GIGYF2: variants seen among roughly 807,000 people sequenced by gnomAD.
GIGYF2 encodes GRB10 interacting GYF protein 2.
Under a neutral mutation model 208.1 loss-of-function variants are expected in GIGYF2, and 25 were observed. That is an observed-to-expected ratio of 0.12 (90% confidence interval 0.09 to 0.17). GIGYF2 has a LOEUF of 0.17. Among genes scored for constraint, GIGYF2 ranks in the 10% least tolerant of loss-of-function variants. The probability of loss-of-function intolerance (pLI) is 1.00; values close to 1 mark genes in which losing one functional copy is unlikely to be tolerated. For synonymous variants in GIGYF2, 534 were observed against 543.8 expected (o/e 0.98, Z 0.25); for missense variants, 1,302 against 1,579.4 (o/e 0.82, Z 2.98).
chr2:232,771,234 A>G, intron 8 of GIGYF2: 2 of 1,610,662 alleles, frequency 1.2e-6, no homozygotes, highest in Non-Finnish European at 1.7e-6. Flanking sequence ...TTCCCCAAGC[A>G]TCTCGAAGAT....
Position 232,836,292 on chromosome 2 carries a change from A to ACT in GIGYF2, c.2766+3199_2766+3200insCT, listed in dbSNP as rs1429506038. Among the ~76,000 whole-genome samples, 10 of 9,878 alleles carry ACT rather than the reference A, an allele frequency of 1.0e-3. 2 individuals carry two copies. The highest frequency in any genetic ancestry group is 1.8e-3 in the Non-Finnish European group (6 of 3,384). The allele number at this position is 9,878 out of a possible 152,430, so 6.5% of individuals were successfully genotyped here. ...TATATATATATATATATATATATAT[A>ACT]TATATATATATATATATATATATAT... On this transcript the variant is annotated intron_variant, in intron 22 of 28. Transcript: ENST00000373563.
At chr2:232,761,459 TA>T in intron 8 of GIGYF2, 23 bp downstream of exon 8, 1 of 1,443,240 alleles carries the variant, frequency 6.9e-7, no homozygotes, top group Non-Finnish European at 9.7e-7. Flanking sequence ...CCTACACACA[TA>T]AGGATAAATT....
At chr2:232,752,602 G>A (rs10190211) in intron 5 of GIGYF2, among the ~76,000 whole-genome samples, 24,991 of 151,834 alleles carry the variant, frequency 0.16, 2,611 homozygotes, top group Non-Finnish European at 0.22. Context: ...GTGCAGTGGC[G>A]CGATCTCGGC....
intron 3 of GIGYF2, chr2:232,735,831 C>A (rs895708586): frequency 1.1e-5 from 11 of 985,046 alleles, no homozygotes; most frequent in Non-Finnish European, 1.3e-5. Flanking sequence ...GTGTGGCTTC[C>A]CCCCCTCCCC....
intron 18 of GIGYF2, 70 bp from the exon 19 acceptor site, chr2:232,815,567 G>A: frequency 2.3e-6 from 2 of 880,326 alleles, no homozygotes; most frequent in Non-Finnish European, 3.8e-6. Context: ...CTTTTTTCAT[G>A]ATTCCTACGG....
intron 17 of GIGYF2, 59 bp downstream of exon 17, chr2:232,811,410 G>T (rs1700731670): frequency 3.0e-6 from 3 of 1,012,864 alleles, no homozygotes; most frequent in Non-Finnish European, 4.7e-6. Context: ...AGAAAGAGAA[G>T]AAAGGAGAAA....
At chr2:232,794,641 C>A in intron 12 of GIGYF2, 107 bp from the exon 13 acceptor site, 1 of 849,110 alleles carries the variant, frequency 1.2e-6, no homozygotes, top group Non-Finnish European at 2.0e-6. Context: ...ACAGGGCTCA[C>A]GTTTTCTGTT....
chr2:232,741,492 C>T (rs146433714), intron 3 of GIGYF2, among the ~76,000 whole-genome samples: 150 of 151,274 alleles, frequency 9.9e-4, no homozygotes, highest in Middle Eastern at 3.4e-3. Flanking sequence ...ACCCAAGCTG[C>T]GGTGCAGTGG....
chr2:232,704,217 T>C (rs1319991344), intron 2 of GIGYF2, among the ~76,000 whole-genome samples: 1 of 152,168 alleles, frequency 6.6e-6, no homozygotes, highest in Non-Finnish European at 1.5e-5. Context: ...CTATTCTAGG[T>C]GGACTCCCAG....
rs35593823 is a variant in GIGYF2, at chr2:232,734,109, CTTTTTTTTTTT to C, written c.-43-1035_-43-1025del. 1.1e-4 allele frequency among the ~76,000 whole-genome samples: 13 copies of C among 122,470 alleles called. No homozygotes were observed. The Admixed American group carries it at 1.1e-3, about 10-fold the overall frequency. The allele number at this position is 122,470 out of a possible 152,430, so 80.3% of individuals were successfully genotyped here. A position where few individuals can be genotyped will look rare whatever the true frequency, so the allele number is the denominator to read the frequency against. ...TATATTTTATTTATTTATTTTAAAA[CTTTTTTTTTTT>C]TTTTTTTTTTAAAGAGATGGAGTCT... On this transcript the variant is annotated intron_variant, in intron 2 of 28. Transcript: ENST00000373563.
intron 1 of GIGYF2, among the ~76,000 whole-genome samples, chr2:232,698,488 GA>G (rs1018288495): frequency 7.3e-5 from 11 of 151,304 alleles, no homozygotes; most frequent in East Asian, 3.9e-4. Flanking sequence ...TCCTAGATTA[GA>G]AAAAAAAATT....
chr2:232,824,616 G>T (rs1374482984), intron 21 of GIGYF2, among the ~76,000 whole-genome samples: 1 of 152,204 alleles, frequency 6.6e-6, no homozygotes, highest in Non-Finnish European at 1.5e-5. Flanking sequence ...AAGGAAAGAA[G>T]CCATTTCCAT....
intron 15 of GIGYF2, among the ~76,000 whole-genome samples, chr2:232,808,275 T>G (rs550314037): frequency 1.3e-5 from 2 of 152,354 alleles, no homozygotes; most frequent in African/African-American, 4.8e-5. Context: ...CTTATTTCCC[T>G]TCTCTGAAAT....
intron 17 of GIGYF2, among the ~76,000 whole-genome samples, chr2:232,811,971 A>C (rs780195982): frequency 3.3e-5 from 5 of 152,226 alleles, no homozygotes; most frequent in Non-Finnish European, 7.3e-5. Context: ...TGGGACTCTG[A>C]GAGGCTGTAG....
chr2:232,803,088 A>G (rs754802119), intron 14 of GIGYF2, among the ~76,000 whole-genome samples: 1 of 152,000 alleles, frequency 6.6e-6, no homozygotes, highest in Non-Finnish European at 1.5e-5. Flanking sequence ...ATGGGGTTTC[A>G]CCATGTTGGC....
chr2:232,738,429 A>G (rs1697832019), intron 3 of GIGYF2, among the ~76,000 whole-genome samples: 1 of 152,158 alleles, frequency 6.6e-6, no homozygotes, highest in African/African-American at 2.4e-5. Flanking sequence ...GACAATCTAT[A>G]TAACCCTCCA....
intron 3 of GIGYF2, among the ~76,000 whole-genome samples, chr2:232,740,958 G>A (rs1310086449): frequency 6.6e-6 from 1 of 152,172 alleles, no homozygotes; most frequent in Admixed American, 6.5e-5. Context: ...TGCTTGCTGT[G>A]TTTTATGTCT....
At chr2:232,797,607 T>A (rs1700263812) in intron 14 of GIGYF2, among the ~76,000 whole-genome samples, 1 of 152,008 alleles carries the variant, frequency 6.6e-6, no homozygotes, top group Non-Finnish European at 1.5e-5. Flanking sequence ...ATATACCCTT[T>A]ATACAGCTTC....
chr2:232,726,976 T>A (rs1697229012), intron 2 of GIGYF2, among the ~76,000 whole-genome samples: 1 of 152,192 alleles, frequency 6.6e-6, no homozygotes, highest in Non-Finnish European at 1.5e-5. Flanking sequence ...CTTGCTTTTT[T>A]TTTGGGGGCG....
Sources: allele counts gnomAD v4.1 joint callset (sites outside exome capture counted in the v4.1 genomes callset), GRCh38; gene constraint gnomAD v4.1.1; transcripts MANE v1.5; gene names NCBI Gene and HGNC (gene_info 2026-07-23, HGNC 2026-07-21).